The following SNX7 variants were observed in gnomAD, a reference collection of about 807,000 sequenced individuals.
The protein encoded by SNX7 is sorting nexin-7.
SNX7 carries 35 observed loss-of-function variants against 48.4 expected under a neutral mutation model. The observed-to-expected ratio is 0.72, with a 90% CI of 0.55 to 0.96. SNX7 has a LOEUF of 0.96. SNX7 is among the 40% of genes least tolerant of loss of function. The pLI, the probability that SNX7 is intolerant of heterozygous loss-of-function variation, is 0.00. For missense variants in SNX7, 553 were observed against 548.9 expected (o/e 1.01, Z -0.07); for synonymous variants, 190 against 190.2 (o/e 1.00, Z 0.01).
rs1446775030 is a variant in SNX7 at position 98,695,661 on chromosome 1, C to G, written c.783C>G (p.Ser261Arg). The G allele has an allele frequency of 6.2e-7, 1 of 1,605,318 alleles. No homozygotes were observed. The highest frequency in any genetic ancestry group is 8.5e-7 in the Non-Finnish European group (1 of 1,172,364). ...TGAATAACTTTATTGAACTATTTAGCCAGAAAATAAATTTGATAGATAAAA... is the reference window on the plus strand; with the variant it reads ...TGAATAACTTTATTGAACTATTTAGGCAGAAAATAAATTTGATAGATAAAA... ...MEMNNFIELFSQKINLIDKIS... is the reference protein window; with the variant it reads ...MEMNNFIELFRQKINLIDKIS... The change falls in exon 5 of 9, where the codon AGC becomes AGG. Residue 261 changes from serine to arginine, a missense_variant. Physicochemically the swap from Ser to Arg is moderately radical, Grantham distance 110. Coordinates refer to ENST00000306121, the MANE Select transcript of SNX7 (RefSeq NM_015976.5).
chr1:98,665,600 T>G (rs1467881494), intron 1 of SNX7, among the ~76,000 whole-genome samples: 1 of 152,186 alleles, frequency 6.6e-6, no homozygotes, highest in African/African-American at 2.4e-5. Context: ...TATTTGTTTA[T>G]TTTTTGAGAT....
At chr1:98,707,131 T>G (rs1304462212) in intron 7 of SNX7, among the ~76,000 whole-genome samples, 1 of 152,116 alleles carries the variant, frequency 6.6e-6, no homozygotes, top group Non-Finnish European at 1.5e-5. Context: ...AAGAGATTAA[T>G]GATAATGGAA....
At chr1:98,757,492 C>T (rs763723417) in intron 8 of SNX7, among the ~76,000 whole-genome samples, 1 of 151,930 alleles carries the variant, frequency 6.6e-6, no homozygotes, top group Non-Finnish European at 1.5e-5. Context: ...TATAAGGACA[C>T]CAGTCATATT....
intron 8 of SNX7, 110 bp from the exon 9 acceptor site, chr1:98,759,943 GA>G: frequency 1.5e-6 from 1 of 673,482 alleles, no homozygotes; most frequent in South Asian, 1.9e-5. Flanking sequence ...GCTGATGGGA[GA>G]GAAGAATAGA....
intron 1 of SNX7, among the ~76,000 whole-genome samples, chr1:98,667,377 CTCTTT>C (rs1315106052): frequency 3.3e-5 from 5 of 151,778 alleles, no homozygotes; most frequent in African/African-American, 9.7e-5. Flanking sequence ...AGTAGAAACT[CTCTTT>C]TCTTTTTATT....
chr1:98,756,022 G>A lies in SNX7; in HGVS notation c.1279-4032G>A, dbSNP rs973254806. On this transcript the variant is annotated intron_variant, in intron 8 of 8. Coordinates refer to ENST00000306121, the MANE Select transcript of SNX7 (RefSeq NM_015976.5). ...TCTTTTGCCTTCTTTTGAATTGATAGACAATTTTACATGATTTCATTTTAC... is the reference window on the plus strand; with the variant it reads ...TCTTTTGCCTTCTTTTGAATTGATAAACAATTTTACATGATTTCATTTTAC... Among the ~76,000 whole-genome samples, 4 of 102,612 alleles carry A rather than the reference G, an allele frequency of 3.9e-5. No homozygotes were observed. In the Admixed American group the frequency reaches 4.0e-4, roughly 10 times the overall value. 67.3% of individuals were successfully genotyped at this position (102,612 alleles called of 152,430 possible). A position where few individuals can be genotyped will look rare whatever the true frequency, so the allele number is the denominator to read the frequency against.
chr1:98,678,537 G>A (rs1018925703), intron 1 of SNX7, among the ~76,000 whole-genome samples: 7 of 152,050 alleles, frequency 4.6e-5, no homozygotes, highest in Non-Finnish European at 7.4e-5. Flanking sequence ...AGAGCTCCTC[G>A]GAGAAATGTC....
intron 1 of SNX7, among the ~76,000 whole-genome samples, chr1:98,677,101 G>C (rs531824861): frequency 6.6e-6 from 1 of 152,150 alleles, no homozygotes; most frequent in African/African-American, 2.4e-5. Context: ...AAAAAGTATA[G>C]AGTTGGAGAA....
At position 98,694,349 on chromosome 1, in the gene SNX7, G is replaced by C. The variant is rs141189830; in HGVS notation, c.640-1169G>C. ...TGTGCCACTGCAGTCCAGCCTGGGC[G>C]AAAGAGCGAGACTCCGTCTCAAAAA... On this transcript the variant is annotated intron_variant, in intron 4 of 8. Coordinates refer to ENST00000306121, the MANE Select transcript of SNX7 (RefSeq NM_015976.5). Among the ~76,000 whole-genome samples, 431 of 134,966 alleles carry C rather than the reference G, an allele frequency of 3.2e-3. 14 individuals carry two copies. In the East Asian group the frequency reaches 0.086, roughly 27 times the overall value. The allele number at this position is 134,966 out of a possible 152,430, so 88.5% of individuals were successfully genotyped here.
At position 98,661,815 on chromosome 1, in the gene SNX7, C is replaced by G. The variant is rs1366607725; in HGVS notation, c.84C>G (p.Gly28=). The change falls in exon 1 of 9, where the codon GGC becomes GGG. Residue 28 remains glycine, a synonymous_variant. Coordinates refer to ENST00000306121, the MANE Select transcript of SNX7 (RefSeq NM_015976.5). ...GGANGESPGG[G]APFPGSSGSS... ...CCAACGGGGAGAGCCCGGGGGGCGGCGCCCCCTTTCCGGGCAGCAGTGGCT... is the reference window on the plus strand; with the variant it reads ...CCAACGGGGAGAGCCCGGGGGGCGGGGCCCCCTTTCCGGGCAGCAGTGGCT... The G allele has an allele frequency of 8.0e-7, 1 of 1,245,524 alleles. No individual in the cohort carries two copies. The highest frequency in any genetic ancestry group is 3.2e-5 in the East Asian group (1 of 31,620). 77.2% of individuals were successfully genotyped at this position (1,245,524 alleles called of 1,614,324 possible).
At position 98,696,710 on chromosome 1, in the gene SNX7, C is replaced by T. The variant is rs117287105; in HGVS notation, c.838+994C>T. Among the ~76,000 whole-genome samples, 114 of 151,828 alleles carry T rather than the reference C, an allele frequency of 7.5e-4. 1 individual carries two copies. The East Asian group carries it at 0.017, about 22-fold the overall frequency. ...ATTTATTTTAAACCTCTTTGGTTTG[C>T]CCTTACATTTATTATTTGTCTTTTT... is the stretch of plus-strand genomic sequence containing the variant. On this transcript the variant is annotated intron_variant, in intron 5 of 8. Coordinates refer to ENST00000306121, the MANE Select transcript of SNX7 (RefSeq NM_015976.5).
chr1:98,738,688 A>G (rs76078384), intron 8 of SNX7, among the ~76,000 whole-genome samples: 43 of 152,310 alleles, frequency 2.8e-4, no homozygotes, highest in African/African-American at 8.9e-4. Context: ...AGGAGCAGAG[A>G]CTTGAATGAG....
At position 98,698,835 on chromosome 1, in the gene SNX7, G is replaced by A. The variant is rs376047520; in HGVS notation, c.968G>A (p.Arg323Gln). 44 of 1,613,822 alleles carry A rather than the reference G, an allele frequency of 2.7e-5. No individual in the cohort carries two copies. Among genetic ancestry groups the A allele is most frequent in the African/African-American group, 9.3e-5 (7 of 74,998 alleles). The part of the protein sequence containing the change: ...IDRCCKATEK[R>Q]MSGLSEALLP... ...AGATGCTGTAAGGCCACTGAAAAGC[G>A]GATGTCTGGACTCTCAGAGGCCCTG... Residue 323 changes from arginine to glutamine, a missense_variant, in exon 6 of 9, where the codon CGG becomes CAG. By Grantham distance (43) the Arg-to-Gln change is conservative. Transcript: ENST00000306121.
intron 1 of SNX7, among the ~76,000 whole-genome samples, chr1:98,680,895 T>C (rs1237737021): frequency 3.9e-5 from 6 of 152,362 alleles, no homozygotes; most frequent in African/African-American, 1.4e-4. Context: ...CTCTCCAAAC[T>C]GTTCCAGCCT....
chr1:98,687,030 A>C (rs1650839987), intron 2 of SNX7, among the ~76,000 whole-genome samples: 1 of 152,146 alleles, frequency 6.6e-6, no homozygotes, highest in African/African-American at 2.4e-5. Flanking sequence ...AGAAGTAGTA[A>C]TAGTAGTAGT....
intron 7 of SNX7, among the ~76,000 whole-genome samples, chr1:98,725,012 C>T (rs541227446): frequency 1.9e-4 from 29 of 152,160 alleles, no homozygotes; most frequent in East Asian, 9.6e-4. Flanking sequence ...ATATGGTGTA[C>T]GGTTCAAACA....
intron 7 of SNX7, among the ~76,000 whole-genome samples, chr1:98,704,758 ATGGAG>A (rs1209385941): frequency 6.6e-6 from 1 of 152,146 alleles, no homozygotes; most frequent in Non-Finnish European, 1.5e-5. Flanking sequence ...GGCCATTTCT[ATGGAG>A]ACATTGGGGC....
intron 1 of SNX7, among the ~76,000 whole-genome samples, chr1:98,671,580 G>T (rs911898081): frequency 1.3e-5 from 2 of 151,790 alleles, no homozygotes; most frequent in African/African-American, 4.8e-5. Flanking sequence ...CCCATTTTGG[G>T]TGAATGATTT....
chr1:98,709,521 C>T (rs1652189766), intron 7 of SNX7, among the ~76,000 whole-genome samples: 1 of 152,132 alleles, frequency 6.6e-6, no homozygotes, highest in African/African-American at 2.4e-5. Flanking sequence ...ACCATTGATG[C>T]ATCAGAAGGA....
Sources: allele counts gnomAD v4.1 joint callset (sites outside exome capture counted in the v4.1 genomes callset), GRCh38; gene constraint gnomAD v4.1.1; transcripts MANE v1.5; gene names NCBI Gene and HGNC (gene_info 2026-07-23, HGNC 2026-07-21).